Variants in NEBL observed in about 807,000 individuals in gnomAD.
NEBL encodes the protein nebulette.
A neutral mutation model predicts 140.2 loss-of-function variants in NEBL; 122 were observed. That is an observed-to-expected ratio of 0.87 (90% CI 0.75 to 1.01). NEBL has a LOEUF of 1.01. Among genes scored for constraint, NEBL ranks in the 50% least tolerant of loss-of-function variants. The probability of loss-of-function intolerance (pLI) is 0.00; values close to 1 mark genes in which losing one functional copy is unlikely to be tolerated. For missense variants in NEBL, 1,365 were observed against 1,231.3 expected (o/e 1.11, Z -1.62); for synonymous variants, 436 against 398.9 (o/e 1.09, Z -1.11).
chr10:21,107,819 G>T (rs1296412980), intron 2 of NEBL, among the ~76,000 whole-genome samples: 1 of 152,100 alleles, frequency 6.6e-6, no homozygotes, highest in Admixed American at 6.5e-5. Flanking sequence ...TGGTTGGTAG[G>T]CTATTAATTA....
intron 2 of NEBL, chr10:21,069,908 C>T (rs1285836470): frequency 2.3e-6 from 1 of 428,542 alleles, no homozygotes; most frequent in Admixed American, 2.8e-5. Flanking sequence ...CTGCAATTTT[C>T]CCCTGATAGC....
At chr10:20,984,274 C>T (rs1176859467) in intron 3 of NEBL, among the ~76,000 whole-genome samples, 1 of 152,166 alleles carries the variant, frequency 6.6e-6, no homozygotes, top group Non-Finnish European at 1.5e-5. Context: ...GATGTTATCT[C>T]AACTTAATAA....
chr10:21,239,248 CT>C lies in NEBL; in HGVS notation n.348+8672del, dbSNP rs952993312. ...GAGGTGGCAAACATAGTGCATTTTA[CT>C]TTTTTTTTTAAACAAACACGTGAAA... is the stretch of plus-strand genomic sequence containing the variant. On this transcript the variant is annotated intron_variant and non_coding_transcript_variant, in intron 3 of 8. Coordinates refer to the NEBL transcript ENST00000675702. 1.4e-3 allele frequency among the ~76,000 whole-genome samples: 206 copies of C among 148,644 alleles called. 5 individuals carry two copies. The highest frequency in any genetic ancestry group is 0.014 in the Admixed American group (200 of 14,792).
chr10:20,893,262 A>G, intron 2 of NEBL, among the ~76,000 whole-genome samples: 1 of 152,204 alleles, frequency 6.6e-6, no homozygotes, highest in Non-Finnish European at 1.5e-5. Flanking sequence ...TGAATGCTCA[A>G]TAGAGAGGAT....
chr10:21,162,865 T>C (rs576936333), intron 2 of NEBL, among the ~76,000 whole-genome samples: 1 of 152,350 alleles, frequency 6.6e-6, no homozygotes, highest in African/African-American at 2.4e-5. Flanking sequence ...GTCACTCCAA[T>C]GCCAGAGGGC....
chr10:20,939,847 C>A (rs551008528), intron 4 of NEBL, among the ~76,000 whole-genome samples: 1 of 152,186 alleles, frequency 6.6e-6, no homozygotes, highest in Admixed American at 6.5e-5. Context: ...AAGGCCATTA[C>A]ATAATGGTAA....
chr10:20,875,030 C>T (rs1845349690), intron 5 of NEBL, among the ~76,000 whole-genome samples: 1 of 152,188 alleles, frequency 6.6e-6, no homozygotes, highest in Non-Finnish European at 1.5e-5. Context: ...TGAGTCACTG[C>T]ACCCAGCCTC....
rs914611278 is a variant in NEBL, at chr10:21,096,441, G to GA, written c.164+75941dup. Reference sequence around the variant, plus strand: ...CCTTTTATTAAAGAGTTTATTTAAAGAAAAAAAACAGAATGTTTACACGGG... The same window carrying GA: ...CCTTTTATTAAAGAGTTTATTTAAAGAAAAAAAAACAGAATGTTTACACGGG... On this transcript the variant is annotated intron_variant, in intron 2 of 6. Coordinates refer to the NEBL transcript ENST00000417816. Among the ~76,000 whole-genome samples, 21 of 151,096 alleles carry GA rather than the reference G, an allele frequency of 1.4e-4. No homozygotes were observed. The Middle Eastern group carries it at 0.014, about 98-fold the overall frequency.
Position 20,782,925 on chromosome 10 carries a change from C to CT in NEBL, c.*2821dup, listed in dbSNP as rs1835124302. Reference sequence around the variant, plus strand: ...ACTTTGCTCAAGAGAGAGAGGATCCCTATACAGCTTTGTTTTCAGAACCTT... The same window carrying CT: ...ACTTTGCTCAAGAGAGAGAGGATCCCTTATACAGCTTTGTTTTCAGAACCTT... On this transcript the variant is annotated 3_prime_UTR_variant, in exon 28 of 28. Coordinates refer to ENST00000377122, the MANE Select transcript of NEBL (RefSeq NM_006393.3). 6.6e-6 allele frequency: 1 copy of CT among 152,646 alleles called. No individual in the cohort carries two copies. The highest frequency in any genetic ancestry group is 2.4e-5 in the African/African-American group (1 of 41,450). 9.5% of individuals were successfully genotyped at this position (152,646 alleles called of 1,614,324 possible).
At chr10:21,012,144 G>A (rs1311866429) in intron 3 of NEBL, among the ~76,000 whole-genome samples, 5 of 151,978 alleles carry the variant, frequency 3.3e-5, no homozygotes, top group East Asian at 3.9e-4. Context: ...TTCAGTCTCC[G>A]ATTTTCTGCT....
intron 9 of NEBL, among the ~76,000 whole-genome samples, chr10:20,856,586 G>C (rs1337092100): frequency 2.6e-5 from 4 of 152,036 alleles, no homozygotes; most frequent in Non-Finnish European, 5.9e-5. Flanking sequence ...TCTATGAGTC[G>C]TGGAGAAAAA....
At chr10:20,939,510 G>A (rs1463865595) in intron 4 of NEBL, among the ~76,000 whole-genome samples, 3 of 152,190 alleles carry the variant, frequency 2.0e-5, no homozygotes, top group Admixed American at 6.5e-5. Context: ...TCGAGGCTAG[G>A]AAGAAACTGC....
At chr10:20,864,009 C>G (rs1271801519) in intron 7 of NEBL, among the ~76,000 whole-genome samples, 1 of 152,132 alleles carries the variant, frequency 6.6e-6, no homozygotes, top group Non-Finnish European at 1.5e-5. Flanking sequence ...CCACTGCTTA[C>G]TACTAAATTT....
At chr10:21,246,521 G>A (rs1050928369) in intron 3 of NEBL, among the ~76,000 whole-genome samples, 23 of 152,006 alleles carry the variant, frequency 1.5e-4, no homozygotes, top group African/African-American at 5.1e-4. Flanking sequence ...AATGGCTCAC[G>A]CCTGTAATCC....
At chr10:21,019,432 T>C (rs932408372) in intron 3 of NEBL, among the ~76,000 whole-genome samples, 3 of 152,214 alleles carry the variant, frequency 2.0e-5, no homozygotes, top group Non-Finnish European at 4.4e-5. Flanking sequence ...TGGATTGCAA[T>C]GTAGTTGCTC....
At chr10:20,930,519 C>T (rs1326773786) in intron 4 of NEBL, among the ~76,000 whole-genome samples, 4 of 152,188 alleles carry the variant, frequency 2.6e-5, no homozygotes, top group Middle Eastern at 3.2e-3. Context: ...TACTTCAAAA[C>T]TTTCATGACA....
chr10:21,095,411 C>T (rs550663420), intron 2 of NEBL, among the ~76,000 whole-genome samples: 7 of 152,232 alleles, frequency 4.6e-5, no homozygotes, highest in Admixed American at 1.3e-4. Context: ...AGATTCCCTT[C>T]GATGTAGAAT....
intron 26 of NEBL, among the ~76,000 whole-genome samples, chr10:20,805,343 A>G (rs1778147329): frequency 6.6e-6 from 1 of 152,182 alleles, no homozygotes; most frequent in Non-Finnish European, 1.5e-5. Context: ...TTAAATTAGC[A>G]TATTCCAATG....
chr10:21,210,267 G>C (rs577979193), intron 3 of NEBL, among the ~76,000 whole-genome samples: 1 of 152,074 alleles, frequency 6.6e-6, no homozygotes, highest in Non-Finnish European at 1.5e-5. Context: ...GGTGGCAGGC[G>C]CCTGTAATCC....
Sources: allele counts gnomAD v4.1 joint callset (sites outside exome capture counted in the v4.1 genomes callset), GRCh38; gene constraint gnomAD v4.1.1; transcripts MANE v1.5; gene names NCBI Gene and HGNC (gene_info 2026-07-23, HGNC 2026-07-21).